OSBPL10: variants seen among roughly 807,000 people sequenced by gnomAD.
The protein encoded by OSBPL10 is oxysterol-binding protein-related protein 10.
OSBPL10 carries 49 observed loss-of-function variants against 81.7 expected under a neutral mutation model. That is an observed-to-expected ratio of 0.60 (90% CI 0.48 to 0.76). The LOEUF is 0.76. OSBPL10 is among the 30% of genes least tolerant of loss of function. The probability of loss-of-function intolerance (pLI) is 0.00; values close to 1 mark genes in which losing one functional copy is unlikely to be tolerated. For synonymous variants in OSBPL10, 419 were observed against 383.6 expected, an observed-to-expected ratio of 1.09 and a Z score of -1.08; for missense variants, 923 against 987.8, an observed-to-expected ratio of 0.93 and a Z score of 0.88.
intron 6 of OSBPL10, chr3:31,732,661 C>A (rs1461331547): frequency 1.3e-5 from 2 of 152,432 alleles, no homozygotes; most frequent in Admixed American, 1.3e-4. Flanking sequence ...GAGAGCCAGG[C>A]TGCGGGCAGA....
rs530125734 is a variant in OSBPL10, at chr3:31,812,802, GAA to G, written c.729+17236_729+17237del. On this transcript the variant is annotated intron_variant, in intron 4 of 11. Coordinates refer to ENST00000396556, the MANE Select transcript of OSBPL10 (RefSeq NM_017784.5). ...AGAAAGAAAGAAAGAAAGAAAGAAA[GAA>G]AGAAAGAAAGAAAGAGAAAGAAAGA... Among the ~76,000 whole-genome samples, 76 of 50,066 alleles carry G rather than the reference GAA, an allele frequency of 1.5e-3. 1 individual carries two copies. The highest frequency in any genetic ancestry group is 0.01 in the East Asian group (12 of 1,194). The allele number at this position is 50,066 out of a possible 152,430, so 32.8% of individuals were successfully genotyped here. A position where few individuals can be genotyped will look rare whatever the true frequency, so the allele number is the denominator to read the frequency against.
chr3:31,848,345 C>T (rs1035795694), intron 3 of OSBPL10, among the ~76,000 whole-genome samples: 1 of 151,590 alleles, frequency 6.6e-6, no homozygotes, highest in African/African-American at 2.4e-5. Flanking sequence ...ACAAGCCCCC[C>T]CCAGTTAGTT....
intron 3 of OSBPL10, among the ~76,000 whole-genome samples, chr3:31,868,871 T>A (rs1701248401): frequency 6.6e-6 from 1 of 152,200 alleles, no homozygotes; most frequent in Admixed American, 6.5e-5. Context: ...CCGAATCCAC[T>A]CCCAAATATT....
At chr3:31,951,580 A>C (rs1451629397) in intron 1 of OSBPL10, among the ~76,000 whole-genome samples, 2 of 151,878 alleles carry the variant, frequency 1.3e-5, no homozygotes, top group Non-Finnish European at 2.9e-5. Flanking sequence ...ATGCTCTGTT[A>C]CATATATGAT....
At chr3:32,035,506 G>A (rs995809868) in intron 2 of OSBPL10, among the ~76,000 whole-genome samples, 21 of 142,518 alleles carry the variant, frequency 1.5e-4, no homozygotes, top group Non-Finnish European at 3.0e-4. Flanking sequence ...AGGATGCAGG[G>A]AGCTGATACC....
intron 4 of OSBPL10, among the ~76,000 whole-genome samples, chr3:31,758,795 T>C (rs1420139979): frequency 6.6e-6 from 1 of 152,246 alleles, no homozygotes; most frequent in Non-Finnish European, 1.5e-5. Context: ...TAAATATTCA[T>C]GATTCCTCCT....
At chr3:31,868,061 A>T (rs1468929944) in intron 3 of OSBPL10, among the ~76,000 whole-genome samples, 4 of 151,776 alleles carry the variant, frequency 2.6e-5, no homozygotes, top group Middle Eastern at 3.2e-3. Flanking sequence ...CGTACAAGAA[A>T]AAAAAAAAAG....
At chr3:31,854,127 A>G (rs1185577834) in intron 3 of OSBPL10, among the ~76,000 whole-genome samples, 1 of 148,102 alleles carries the variant, frequency 6.8e-6, no homozygotes, top group African/African-American at 2.5e-5. Context: ...TATATACATT[A>G]TATCTCAGTA....
At chr3:31,857,439 A>C (rs1407625914) in intron 3 of OSBPL10, among the ~76,000 whole-genome samples, 2 of 152,102 alleles carry the variant, frequency 1.3e-5, no homozygotes, top group East Asian at 3.9e-4. Context: ...CAAGTGAAGA[A>C]TATAATGAGA....
intron 6 of OSBPL10, among the ~76,000 whole-genome samples, chr3:31,717,333 A>G (rs1374346022): frequency 1.3e-5 from 2 of 152,190 alleles, no homozygotes; most frequent in African/African-American, 4.8e-5. Context: ...TGGTACCACA[A>G]GCAGATCAAG....
At chr3:31,663,089 G>C (rs1700106737) in intron 11 of OSBPL10, 9 of 985,380 alleles carry the variant, frequency 9.1e-6, no homozygotes, top group Non-Finnish European at 1.1e-5. Context: ...TACCTACTAT[G>C]TTGCCCTAAC....
At chr3:31,808,571 A>G (rs1337306375) in intron 4 of OSBPL10, among the ~76,000 whole-genome samples, 1 of 152,234 alleles carries the variant, frequency 6.6e-6, no homozygotes, top group Non-Finnish European at 1.5e-5. Flanking sequence ...GGCTGGGGGA[A>G]ATGCAGGAGC....
chr3:31,950,382 A>T (rs909208109), intron 1 of OSBPL10, among the ~76,000 whole-genome samples: 1 of 152,242 alleles, frequency 6.6e-6, no homozygotes, highest in Admixed American at 6.5e-5. Context: ...TGATAATCAG[A>T]GATACACAAA....
chr3:31,748,660 A>AG (rs5847716), intron 4 of OSBPL10, among the ~76,000 whole-genome samples: 1 of 150,950 alleles, frequency 6.6e-6, no homozygotes, highest in Non-Finnish European at 1.5e-5. Context: ...AAAAAAAAAA[A>AG]TGCTAAACAG....
At chr3:31,741,681 C>CTGATATCCTAT in intron 5 of OSBPL10, among the ~76,000 whole-genome samples, 1 of 152,322 alleles carries the variant, frequency 6.6e-6, no homozygotes, top group South Asian at 2.1e-4. Flanking sequence ...TCCTTTTCTC[C>CTGATATCCTAT]TGATATCCTA....
intron 3 of OSBPL10, among the ~76,000 whole-genome samples, chr3:31,869,365 G>A (rs547203782): frequency 6.6e-6 from 1 of 152,244 alleles, no homozygotes; most frequent in African/African-American, 2.4e-5. Flanking sequence ...CAATTAATCA[G>A]AAGACACTTT....
chr3:31,993,665 C>T (rs896324688), intron 2 of OSBPL10, among the ~76,000 whole-genome samples: 1 of 143,188 alleles, frequency 7.0e-6, no homozygotes, highest in African/African-American at 2.9e-5. Context: ...TACCTATTAA[C>T]ATGACTACAC....
At chr3:31,719,719 G>T (rs1030774126) in intron 6 of OSBPL10, among the ~76,000 whole-genome samples, 2 of 151,950 alleles carry the variant, frequency 1.3e-5, no homozygotes, top group Non-Finnish European at 2.9e-5. Context: ...TCCACTGCCG[G>T]AAAGTTTCCC....
intron 4 of OSBPL10, among the ~76,000 whole-genome samples, chr3:31,818,928 G>A (rs1282672045): frequency 6.6e-6 from 1 of 152,216 alleles, no homozygotes; most frequent in African/African-American, 2.4e-5. Flanking sequence ...TAGTGAGTAG[G>A]GTAGGAGGTG....
Sources: gnomAD v4.1 joint callset for allele counts (sites outside exome capture counted in the v4.1 genomes callset) on GRCh38, gnomAD v4.1.1 for gene constraint, MANE v1.5 for transcripts, NCBI Gene and HGNC (gene_info 2026-07-23, HGNC 2026-07-21) for gene names.